TENM2: variants seen among roughly 807,000 people sequenced by gnomAD.
TENM2 encodes teneurin-2.
In TENM2, 52 loss-of-function variants were observed where a neutral mutation model predicts 245.2. That is an observed-to-expected ratio of 0.21 (90% CI 0.17 to 0.27). The LOEUF (loss-of-function observed/expected upper bound fraction) is 0.27. TENM2 is among the 10% of genes least tolerant of loss of function. The pLI is 1.00. For missense variants in TENM2, 3,046 were observed against 3,666.8 expected (o/e 0.83, Z 4.37); for synonymous variants, 1,363 against 1,438.9 (o/e 0.95, Z 1.19).
chr5:166,988,211 T>C, the TENM2 span, among the ~76,000 whole-genome samples: 1 of 152,200 alleles, frequency 6.6e-6, no homozygotes, highest in East Asian at 1.9e-4. Context: ...TTTCAAGATG[T>C]ACATATCTCA....
At chr5:167,437,697 C>T (rs551664222) in intron 2 of TENM2, among the ~76,000 whole-genome samples, 77 of 152,122 alleles carry the variant, frequency 5.1e-4, no homozygotes, top group Non-Finnish European at 7.9e-4. Flanking sequence ...CATTGAATTA[C>T]GGCTGCGGGT....
At chr5:168,230,769 A>G (rs1764806983) in intron 25 of TENM2, 1 of 152,190 alleles carries the variant, frequency 6.6e-6, no homozygotes, top group African/African-American at 2.4e-5. Flanking sequence ...GAGACTCTAG[A>G]GAGATAAAGA....
chr5:167,318,968 A>T (rs1022212442), intron 1 of TENM2, among the ~76,000 whole-genome samples: 1 of 152,246 alleles, frequency 6.6e-6, no homozygotes, highest in Non-Finnish European at 1.5e-5. Flanking sequence ...ATATTTCCTT[A>T]GCAGAATGTT....
At chr5:167,335,954 C>G (rs943906917) in intron 1 of TENM2, among the ~76,000 whole-genome samples, 1 of 152,020 alleles carries the variant, frequency 6.6e-6, no homozygotes, top group Non-Finnish European at 1.5e-5. Flanking sequence ...TATCATGACC[C>G]CCTCCCTGCT....
chr5:167,333,416 C>T (rs1260233670), intron 1 of TENM2, among the ~76,000 whole-genome samples: 1 of 152,074 alleles, frequency 6.6e-6, no homozygotes, highest in Non-Finnish European at 1.5e-5. Flanking sequence ...TAAAGCAAGG[C>T]CTAGTATATA....
At chr5:167,324,432 AT>A (rs984658873) in intron 1 of TENM2, among the ~76,000 whole-genome samples, 1 of 152,014 alleles carries the variant, frequency 6.6e-6, no homozygotes, top group Non-Finnish European at 1.5e-5. Flanking sequence ...TGGATAGGTA[AT>A]TTTTTTTCAA....
chr5:167,249,996 G>T, the TENM2 span, among the ~76,000 whole-genome samples: 1 of 152,092 alleles, frequency 6.6e-6, no homozygotes, highest in Non-Finnish European at 1.5e-5. Context: ...TTCCAGGAAG[G>T]CCATACATGA....
chr5:167,886,279 T>G (rs1774281399), intron 3 of TENM2, among the ~76,000 whole-genome samples: 1 of 152,122 alleles, frequency 6.6e-6, no homozygotes, highest in South Asian at 2.1e-4. Context: ...ATATAGAAAT[T>G]TAAGTGAATT....
At chr5:167,244,975 A>G in the TENM2 span, among the ~76,000 whole-genome samples, 1 of 152,136 alleles carries the variant, frequency 6.6e-6, no homozygotes, top group Non-Finnish European at 1.5e-5. Context: ...AAATCAGAAA[A>G]TGCAAAGGAA....
At chr5:167,909,314 T>C (rs911334932) in intron 3 of TENM2, among the ~76,000 whole-genome samples, 1 of 152,202 alleles carries the variant, frequency 6.6e-6, no homozygotes, top group Non-Finnish European at 1.5e-5. Context: ...ATTAACTACA[T>C]TTCCTTTGTT....
the TENM2 span, among the ~76,000 whole-genome samples, chr5:167,138,977 A>T: frequency 6.6e-6 from 1 of 152,142 alleles, no homozygotes; most frequent in Non-Finnish European, 1.5e-5. Context: ...ATTCTGTGTG[A>T]CTGATTGTGT....
the TENM2 span, among the ~76,000 whole-genome samples, chr5:167,123,744 A>G: frequency 5.9e-5 from 9 of 152,212 alleles, no homozygotes; most frequent in African/African-American, 2.2e-4. Context: ...AGATAAATGC[A>G]TCTGAAATTC....
the TENM2 span, among the ~76,000 whole-genome samples, chr5:167,158,571 C>T: frequency 6.6e-6 from 1 of 152,276 alleles, no homozygotes; most frequent in African/African-American, 2.4e-5. Flanking sequence ...ACGGTGCCAG[C>T]TGATCTGGTG....
intron 4 of TENM2, among the ~76,000 whole-genome samples, chr5:167,978,720 C>T (rs1782618468): frequency 6.6e-6 from 1 of 152,032 alleles, no homozygotes; most frequent in Non-Finnish European, 1.5e-5. Context: ...TAAATAGAGG[C>T]AGAATTTAAA....
At chr5:167,889,118 CA>C (rs1583288262) in intron 3 of TENM2, among the ~76,000 whole-genome samples, 2 of 152,168 alleles carry the variant, frequency 1.3e-5, no homozygotes, top group Admixed American at 6.5e-5. Context: ...CACACAAAAA[CA>C]AAAAAACTAA....
intron 4 of TENM2, among the ~76,000 whole-genome samples, chr5:167,960,235 C>T (rs138369059): frequency 2.7e-3 from 412 of 152,310 alleles, no homozygotes; most frequent in African/African-American, 9.4e-3. Flanking sequence ...CTGGGAGATC[C>T]GCTGCTCTCT....
the TENM2 span, chr5:167,168,182 A>C: frequency 6.6e-6 from 1 of 152,214 alleles, no homozygotes. Flanking sequence ...TCTGTGTATA[A>C]GTTTGAATTG....
chr5:167,930,676 T>C, intron 3 of TENM2, among the ~76,000 whole-genome samples: 1 of 152,070 alleles, frequency 6.6e-6, no homozygotes, highest in Non-Finnish European at 1.5e-5. Flanking sequence ...AGAGACAAAG[T>C]CTCACTACAT....
chr5:167,903,381 C>A (rs1398565647), intron 3 of TENM2, among the ~76,000 whole-genome samples: 1 of 152,014 alleles, frequency 6.6e-6, no homozygotes, highest in African/African-American at 2.4e-5. Context: ...GAGAGCGATG[C>A]CAGAAAGAGA....
Sources: gnomAD v4.1 joint callset for allele counts (sites outside exome capture counted in the v4.1 genomes callset) on GRCh38, gnomAD v4.1.1 for gene constraint, MANE v1.5 for transcripts, NCBI Gene and HGNC (gene_info 2026-07-23, HGNC 2026-07-21) for gene names.